Variants in SLC41A2 observed in about 807,000 individuals in gnomAD.
SLC41A2 encodes the protein solute carrier family 41 member 2, also known as SLC41A1-like 1.
Under a neutral mutation model 58.3 loss-of-function variants are expected in SLC41A2, and 32 were observed. The ratio of observed to expected loss-of-function variants is 0.55; its 90% CI spans 0.41 to 0.74. SLC41A2 has a LOEUF of 0.74. Ranked by LOEUF, SLC41A2 falls within the 30% of genes least tolerant of loss-of-function variation. The probability of loss-of-function intolerance (pLI) is 0.00; values close to 1 mark genes in which losing one functional copy is unlikely to be tolerated. For synonymous variants in SLC41A2, 190 were observed against 235.0 expected, an observed-to-expected ratio of 0.81 and a Z score of 1.75; for missense variants, 514 against 680.6, an observed-to-expected ratio of 0.76 and a Z score of 2.72.
chr12:104,880,936 G>A (rs186259566), intron 6 of SLC41A2, among the ~76,000 whole-genome samples: 29 of 152,198 alleles, frequency 1.9e-4, no homozygotes, highest in Admixed American at 5.9e-4. Flanking sequence ...CTGTGAATCC[G>A]TCTGGTCCTG....
intron 7 of SLC41A2, among the ~76,000 whole-genome samples, chr12:104,864,301 C>T (rs920055545): frequency 2.0e-5 from 3 of 152,154 alleles, no homozygotes; most frequent in African/African-American, 7.2e-5. Context: ...GCAGTAAATT[C>T]CATGAGATCC....
At chr12:104,949,744 C>T (rs185523079) in intron 1 of SLC41A2, among the ~76,000 whole-genome samples, 20 of 152,208 alleles carry the variant, frequency 1.3e-4, no homozygotes, top group African/African-American at 4.8e-4. Flanking sequence ...CCACCACGCC[C>T]GGCTAATATT....
intron 1 of SLC41A2, among the ~76,000 whole-genome samples, chr12:104,942,132 T>G (rs1425832113): frequency 1.3e-5 from 2 of 152,108 alleles, no homozygotes; most frequent in African/African-American, 4.8e-5. Context: ...TAAACATTTC[T>G]TACATGTATC....
chr12:104,897,512 G>T (rs553990020), intron 3 of SLC41A2, among the ~76,000 whole-genome samples: 1 of 151,228 alleles, frequency 6.6e-6, no homozygotes. Flanking sequence ...CAATTAATTT[G>T]TTTTATAAAT....
chr12:104,837,411 C>T (rs1258709362), intron 10 of SLC41A2, among the ~76,000 whole-genome samples: 1 of 152,120 alleles, frequency 6.6e-6, no homozygotes. Flanking sequence ...TATTTCCTTT[C>T]TCATTGTCCC....
intron 2 of SLC41A2, among the ~76,000 whole-genome samples, chr12:104,926,892 C>G (rs1393747981): frequency 1.3e-5 from 2 of 151,800 alleles, no homozygotes; most frequent in African/African-American, 4.8e-5. Flanking sequence ...TTGAGACCCG[C>G]CTGGGCAACA....
intron 6 of SLC41A2, among the ~76,000 whole-genome samples, chr12:104,884,976 A>C (rs1027690311): frequency 2.6e-5 from 4 of 152,202 alleles, no homozygotes; most frequent in African/African-American, 9.7e-5. Flanking sequence ...TTATCATCCA[A>C]ACAATACAAA....
intron 6 of SLC41A2, among the ~76,000 whole-genome samples, chr12:104,881,423 A>G (rs961412157): frequency 3.3e-5 from 5 of 152,148 alleles, no homozygotes; most frequent in African/African-American, 1.2e-4. Context: ...TGTCAATTTT[A>G]GATCTTTCCT....
In SLC41A2 at chr12:104,887,759, G is replaced by A. The variant is rs74956131; in HGVS notation, c.880+1274C>T. ...TGGAAAGAGCTAAGAGTTAGGAAAC[G>A]TGTTTTAGTTCTGATTCAGCTGGTA... On this transcript the variant is annotated intron_variant, in intron 5 of 10. Transcript: ENST00000258538. Among the ~76,000 whole-genome samples the A allele has an allele frequency of 7.1e-3, 1,081 of 151,988 alleles. 19 individuals carry two copies. The highest frequency in any genetic ancestry group is 0.023 in the African/African-American group (973 of 41,522).
chr12:104,901,902 T>A (rs2135736182), intron 3 of SLC41A2, among the ~76,000 whole-genome samples: 1 of 152,322 alleles, frequency 6.6e-6, no homozygotes, highest in East Asian at 1.9e-4. Flanking sequence ...ATGTTTTAAG[T>A]TCTTTATCTT....
At chr12:104,884,242 T>C (rs759138316) in intron 6 of SLC41A2, among the ~76,000 whole-genome samples, 3 of 152,164 alleles carry the variant, frequency 2.0e-5, no homozygotes, top group Non-Finnish European at 4.4e-5. Context: ...CCAGGTACCA[T>C]CTGTCACAGC....
rs771442363 is a variant in SLC41A2, at chr12:104,804,578, G to T, written c.*574C>A. ...TGAAATTGAATTGGCATCAGAACAG[G>T]ATAATTTTAGATGGAGGTAAAAGTG... On this transcript the variant is annotated 3_prime_UTR_variant, in exon 11 of 11. Coordinates refer to ENST00000258538, the MANE Select transcript of SLC41A2 (RefSeq NM_001352171.3). 1 of 152,182 alleles carries T rather than the reference G, an allele frequency of 6.6e-6. No individual in the cohort carries two copies. The highest frequency in any genetic ancestry group is 1.5e-5 in the Non-Finnish European group (1 of 68,046). 9.4% of individuals were successfully genotyped at this position (152,182 alleles called of 1,614,324 possible).
Position 104,893,907 on chromosome 12 carries a change from A to G in SLC41A2, c.735+1367T>C, listed in dbSNP as rs530741201. Among the ~76,000 whole-genome samples, 7 of 152,234 alleles carry G rather than the reference A, an allele frequency of 4.6e-5. No individual in the cohort carries two copies. The South Asian group carries it at 1.5e-3, about 32-fold the overall frequency. On this transcript the variant is annotated intron_variant, in intron 4 of 10. Coordinates refer to ENST00000258538, the MANE Select transcript of SLC41A2 (RefSeq NM_001352171.3). ...AGGTAGGGATGGTTAATGAGTACAA[A>G]AAAATAGAATGAATGAGACCTAGTA...
intron 4 of SLC41A2, among the ~76,000 whole-genome samples, chr12:104,890,885 A>G (rs542018025): frequency 6.6e-6 from 1 of 152,334 alleles, no homozygotes; most frequent in South Asian, 2.1e-4. Context: ...TGAGAAGAGC[A>G]CAACCCTGAG....
At chr12:104,887,804 CAA>C (rs2044747633) in intron 5 of SLC41A2, among the ~76,000 whole-genome samples, 1 of 151,926 alleles carries the variant, frequency 6.6e-6, no homozygotes, top group African/African-American at 2.4e-5. Flanking sequence ...TGAGATTGGA[CAA>C]GTCACCTTAC....
chr12:104,821,768 T>C (rs2041646176), intron 10 of SLC41A2, among the ~76,000 whole-genome samples: 5 of 152,212 alleles, frequency 3.3e-5, no homozygotes, highest in Admixed American at 3.3e-4. Context: ...ATGGGGCACA[T>C]AGGTGTCTTC....
At chr12:104,873,648 T>C (rs967698922) in intron 6 of SLC41A2, among the ~76,000 whole-genome samples, 2 of 152,146 alleles carry the variant, frequency 1.3e-5, no homozygotes, top group Non-Finnish European at 2.9e-5. Context: ...CTACCAAGAG[T>C]GTACAAGGAT....
intron 8 of SLC41A2, among the ~76,000 whole-genome samples, chr12:104,850,160 A>C (rs907689279): frequency 6.6e-6 from 1 of 152,224 alleles, no homozygotes; most frequent in African/African-American, 2.4e-5. Flanking sequence ...GGCCAGGTCT[A>C]CTGTTGATCC....
At chr12:104,886,628 G>C (rs971057064) in intron 5 of SLC41A2, among the ~76,000 whole-genome samples, 189 bp from the exon 6 acceptor site, 1 of 151,976 alleles carries the variant, frequency 6.6e-6, no homozygotes, top group South Asian at 2.1e-4. Flanking sequence ...ACTCCAAGTG[G>C]GGATCATAGA....
Sources: gnomAD v4.1 joint callset for allele counts (sites outside exome capture counted in the v4.1 genomes callset) on GRCh38, gnomAD v4.1.1 for gene constraint, MANE v1.5 for transcripts, NCBI Gene and HGNC (gene_info 2026-07-23, HGNC 2026-07-21) for gene names.